The following RPF2 variants were observed in gnomAD, a reference collection of about 807,000 sequenced individuals.
The protein encoded by RPF2 is ribosome production factor 2 homolog.
Under a neutral mutation model 38.9 loss-of-function variants are expected in RPF2, and 21 were observed. That is an observed-to-expected ratio of 0.54 (90% CI 0.38 to 0.78). RPF2 has a LOEUF of 0.78. Among genes scored for constraint, RPF2 ranks in the 30% least tolerant of loss-of-function variants. The pLI, the probability that RPF2 is intolerant of heterozygous loss-of-function variation, is 0.00. For synonymous variants in RPF2, 121 were observed against 126.2 expected (o/e 0.96, Z 0.28); for missense variants, 314 against 358.1 (o/e 0.88, Z 0.99).
In RPF2 at chr6:111,008,152, A is replaced by T; in HGVS notation, c.493+15A>T. ...TCTTCTTATTGGTAAGTATTTTAGT[A>T]TTTATTATCTTCAGGGTAGCTCAGG... On this transcript the variant is annotated intron_variant, in intron 7 of 9. Transcript: ENST00000441448. 6.3e-7 allele frequency: 1 copy of T among 1,585,808 alleles called. No individual in the cohort carries two copies. Among genetic ancestry groups the T allele is most frequent in the Non-Finnish European group, 8.6e-7 (1 of 1,168,596 alleles).
In RPF2 at chr6:111,025,462, T is replaced by C. The variant is rs1442151753; in HGVS notation, c.801T>C (p.His267=). The change falls in exon 10 of 10, where the codon CAT becomes CAC. Residue 267 remains histidine (H), a synonymous_variant. Coordinates refer to ENST00000441448, the MANE Select transcript of RPF2 (RefSeq NM_032194.3). ...DTFGTTYGRI[H]MQKQDLSKLQ... is the part of the protein sequence containing the mutation. Reference sequence around the variant, plus strand: ...TTGGTACAACTTATGGAAGGATTCATATGCAGAAGCAAGACCTAAGCAAAC... The same window carrying C: ...TTGGTACAACTTATGGAAGGATTCACATGCAGAAGCAAGACCTAAGCAAAC... The C allele has an allele frequency of 2.5e-6, 4 of 1,613,136 alleles. No homozygotes were observed. Among genetic ancestry groups the C allele is most frequent in the South Asian group, 2.2e-5 (2 of 90,934 alleles).
intron 8 of RPF2, among the ~76,000 whole-genome samples, chr6:111,023,334 G>A (rs549637502): frequency 1.3e-5 from 2 of 152,326 alleles, no homozygotes; most frequent in East Asian, 1.9e-4. Context: ...TCACTTCAAT[G>A]TAAGGAAGTT....
intron 3 of RPF2, among the ~76,000 whole-genome samples, chr6:110,989,925 G>A (rs1771591003): frequency 1.5e-5 from 2 of 137,318 alleles, no homozygotes; most frequent in African/African-American, 5.5e-5. Context: ...GCCCGGCCCA[G>A]TTTCTTTTTT....
chr6:110,992,591 A>G (rs1405256793), intron 4 of RPF2, among the ~76,000 whole-genome samples: 1 of 152,100 alleles, frequency 6.6e-6, no homozygotes, highest in South Asian at 2.1e-4. Context: ...TACTTTTAAA[A>G]CAAGGAACAC....
chr6:111,012,607 C>T (rs1487990431), intron 7 of RPF2, among the ~76,000 whole-genome samples: 3 of 152,090 alleles, frequency 2.0e-5, no homozygotes, highest in Admixed American at 6.5e-5. Flanking sequence ...TAAGGTCATG[C>T]ATTTACCAAG....
intron 9 of RPF2, among the ~76,000 whole-genome samples, chr6:111,024,573 C>A (rs144120409): frequency 6.6e-6 from 1 of 151,530 alleles, no homozygotes; most frequent in Admixed American, 6.6e-5. Context: ...ATTAGCTGGG[C>A]GTGGTAGCGG....
chr6:111,017,343 C>CGGGTGG (rs1772138385), intron 8 of RPF2, among the ~76,000 whole-genome samples: 1 of 150,234 alleles, frequency 6.7e-6, no homozygotes, highest in African/African-American at 2.5e-5. Flanking sequence ...GGCGGCTGGC[C>CGGGTGG]GGGCGGGGGC....
chr6:111,010,882 T>C (rs1475265914), intron 7 of RPF2, among the ~76,000 whole-genome samples: 2 of 152,226 alleles, frequency 1.3e-5, no homozygotes, highest in Non-Finnish European at 2.9e-5. Context: ...CGTCACCCAT[T>C]CTTGGGATTA....
Position 110,996,865 on chromosome 6 carries a change from A to T in RPF2, c.235-318A>T, listed in dbSNP as rs984250723. ...TCCCCAGGTTGGAGTGCAGTGTCGC[A>T]TTCTCAGCTCACTGCAACCTCTGCC... On this transcript the variant is annotated intron_variant, in intron 4 of 9. Coordinates refer to ENST00000441448, the MANE Select transcript of RPF2 (RefSeq NM_032194.3). Among the ~76,000 whole-genome samples the T allele has an allele frequency of 1.4e-4, 21 of 152,124 alleles. No individual in the cohort carries two copies. The East Asian group carries it at 4.1e-3, about 29-fold the overall frequency.
At chr6:111,000,835 C>T (rs145133589) in intron 6 of RPF2, among the ~76,000 whole-genome samples, 1 of 152,198 alleles carries the variant, frequency 6.6e-6, no homozygotes, top group African/African-American at 2.4e-5. Context: ...TCAGTATAAC[C>T]AAGATTAGGA....
At chr6:110,988,933 G>T in intron 2 of RPF2, 95 bp from the exon 3 acceptor site, 1 of 1,460,042 alleles carries the variant, frequency 6.8e-7, no homozygotes, top group South Asian at 1.3e-5. Flanking sequence ...TGAGGCCCCA[G>T]AGCAATCTTG....
chr6:111,007,761 A>G (rs934935645), intron 6 of RPF2, among the ~76,000 whole-genome samples: 3 of 152,088 alleles, frequency 2.0e-5, no homozygotes, highest in African/African-American at 7.2e-5. Context: ...CCTAACCAGC[A>G]TGATGAAACC....
intron 9 of RPF2, among the ~76,000 whole-genome samples, chr6:111,024,882 CTG>C (rs1195329928): frequency 2.6e-5 from 4 of 152,134 alleles, no homozygotes; most frequent in African/African-American, 9.7e-5. Flanking sequence ...ATAGTCAAGA[CTG>C]TTGTTTTCAG....
At chr6:110,995,605 T>A (rs1273666002) in intron 4 of RPF2, among the ~76,000 whole-genome samples, 3 of 152,216 alleles carry the variant, frequency 2.0e-5, no homozygotes, top group Non-Finnish European at 4.4e-5. Flanking sequence ...GCTTTCCAAT[T>A]GATTTCTGGA....
intron 6 of RPF2, among the ~76,000 whole-genome samples, chr6:111,003,622 GA>G: frequency 6.6e-6 from 1 of 152,106 alleles, no homozygotes. Flanking sequence ...AATGAAGTAA[GA>G]CTAGCCTGGA....
chr6:111,016,607 C>CAA (rs138978922), intron 8 of RPF2, among the ~76,000 whole-genome samples: 1 of 143,046 alleles, frequency 7.0e-6, no homozygotes, highest in Admixed American at 6.9e-5. Context: ...AAACAAAAAA[C>CAA]AAAAAACTCT....
chr6:110,984,428 TG>T (rs1453317838), intron 1 of RPF2, among the ~76,000 whole-genome samples: 1 of 151,992 alleles, frequency 6.6e-6, no homozygotes, highest in East Asian at 1.9e-4. Flanking sequence ...AAAAAAAGAT[TG>T]GAAAGAGCAG....
In RPF2 at chr6:110,992,028, C is replaced by T. The variant is rs545066490; in HGVS notation, c.234+242C>T. Reference sequence around the variant, plus strand: ...ATTGATAAAATTTTTAAAACTTGGCCGGGCGCGGTGGCTCACGCCTGTAAT... The same window carrying T: ...ATTGATAAAATTTTTAAAACTTGGCTGGGCGCGGTGGCTCACGCCTGTAAT... On this transcript the variant is annotated intron_variant, in intron 4 of 9. Transcript: ENST00000441448. 7.3e-4 allele frequency among the ~76,000 whole-genome samples: 111 copies of T among 152,194 alleles called. 1 individual carries two copies. The highest frequency in any genetic ancestry group is 1.7e-3 in the South Asian group (8 of 4,818).
chr6:111,003,895 C>T (rs1771857609), intron 6 of RPF2, among the ~76,000 whole-genome samples: 1 of 151,990 alleles, frequency 6.6e-6, no homozygotes, highest in Non-Finnish European at 1.5e-5. Flanking sequence ...TCACTGCAAC[C>T]TCTGCCTCCC....
Sources: gnomAD v4.1 joint callset for allele counts (sites outside exome capture counted in the v4.1 genomes callset) on GRCh38, gnomAD v4.1.1 for gene constraint, MANE v1.5 for transcripts, NCBI Gene and HGNC (gene_info 2026-07-23, HGNC 2026-07-21) for gene names.